TRERF1: variants seen among roughly 807,000 people sequenced by gnomAD.
TRERF1 encodes the protein transcriptional-regulating factor 1.
TRERF1 carries 27 observed loss-of-function variants against 122.9 expected under a neutral mutation model. The ratio of observed to expected loss-of-function variants is 0.22; its 90% CI spans 0.16 to 0.30. TRERF1 has a LOEUF of 0.30. TRERF1 is among the 10% of genes least tolerant of loss of function. TRERF1 has a pLI of 1.00. For missense variants in TRERF1, 1,248 were observed against 1,560.3 expected (o/e 0.80, Z 3.37); for synonymous variants, 636 against 641.7 (o/e 0.99, Z 0.13).
chr6:42,265,672 T>C, intron 6 of TRERF1, 79 bp downstream of exon 6: 1 of 1,434,728 alleles, frequency 7.0e-7, no homozygotes, highest in Non-Finnish European at 9.7e-7. Context: ...TGACTTGGAA[T>C]TTAAAAATGA....
chr6:42,381,637 C>T (rs1458683336), intron 2 of TRERF1, among the ~76,000 whole-genome samples: 2 of 151,798 alleles, frequency 1.3e-5, no homozygotes, highest in African/African-American at 4.8e-5. Flanking sequence ...CTGGGTTCTA[C>T]AACCATCTTC....
intron 3 of TRERF1, among the ~76,000 whole-genome samples, chr6:42,346,213 T>C (rs1409088304): frequency 6.6e-6 from 1 of 152,186 alleles, no homozygotes; most frequent in African/African-American, 2.4e-5. Flanking sequence ...CCTCAGCACC[T>C]GTCACCTCAG....
chr6:42,374,868 G>A (rs1251073581), intron 2 of TRERF1, among the ~76,000 whole-genome samples: 4 of 151,700 alleles, frequency 2.6e-5, no homozygotes, highest in Non-Finnish European at 5.9e-5. Context: ...AAAATTAGCC[G>A]GGTGTGGTGG....
At chr6:42,335,903 A>G (rs1766074229) in intron 3 of TRERF1, among the ~76,000 whole-genome samples, 1 of 152,196 alleles carries the variant, frequency 6.6e-6, no homozygotes, top group East Asian at 1.9e-4. Context: ...CTCCCTGGCA[A>G]GACTCTAAGC....
intron 4 of TRERF1, among the ~76,000 whole-genome samples, chr6:42,299,190 G>A (rs189915989): frequency 5.6e-3 from 763 of 136,676 alleles, no homozygotes; most frequent in Admixed American, 8.6e-3. Context: ...CACACATAGA[G>A]TCTGTTTTTT....
intron 15 of TRERF1, among the ~76,000 whole-genome samples, chr6:42,238,148 G>A (rs557027347): frequency 5.3e-5 from 8 of 152,304 alleles, no homozygotes; most frequent in African/African-American, 1.7e-4. Context: ...ACCATGTTAT[G>A]TCAAACTGGG....
At chr6:42,319,724 G>A (rs1275718791) in intron 3 of TRERF1, among the ~76,000 whole-genome samples, 8 of 151,176 alleles carry the variant, frequency 5.3e-5, no homozygotes, top group Middle Eastern at 3.4e-3. Flanking sequence ...CTGGGAGGCT[G>A]AGGTGGAAGG....
At chr6:42,433,363 G>T (rs1175590237) in intron 2 of TRERF1, among the ~76,000 whole-genome samples, 1 of 151,806 alleles carries the variant, frequency 6.6e-6, no homozygotes, top group African/African-American at 2.4e-5. Context: ...TCTCCTCAAG[G>T]CACTGACACA....
rs192413376 is a variant in TRERF1 at position 42,448,213 on chromosome 6, C to A, written c.-454+2964G>T. 9.6e-4 allele frequency among the ~76,000 whole-genome samples: 146 copies of A among 152,314 alleles called. 1 individual carries two copies. Among genetic ancestry groups the A allele is most frequent in the Non-Finnish European group, 5.9e-5 (4 of 68,024 alleles). On this transcript the variant is annotated intron_variant, in intron 2 of 17. Transcript: ENST00000372922. ...CTGGGCTTTCTGGTCTCCAGTTTCTCCCCAAAGCTATCTCCTCCTGCTGCC... is the reference window on the plus strand; with the variant it reads ...CTGGGCTTTCTGGTCTCCAGTTTCTACCCAAAGCTATCTCCTCCTGCTGCC...
At chr6:42,366,431 A>G (rs1772739924) in intron 2 of TRERF1, among the ~76,000 whole-genome samples, 1 of 152,134 alleles carries the variant, frequency 6.6e-6, no homozygotes, top group Non-Finnish European at 1.5e-5. Context: ...AGGCATACCT[A>G]TTCTTCCTGT....
chr6:42,439,122 A>G (rs1386103634), intron 2 of TRERF1, among the ~76,000 whole-genome samples: 1 of 152,246 alleles, frequency 6.6e-6, no homozygotes, highest in Non-Finnish European at 1.5e-5. Context: ...CTCCTTCAAC[A>G]TCACTGCCAC....
intron 3 of TRERF1, among the ~76,000 whole-genome samples, chr6:42,316,154 T>C (rs1158659222): frequency 1.3e-5 from 2 of 152,136 alleles, no homozygotes; most frequent in African/African-American, 2.4e-5. Context: ...AGAAAGTCCA[T>C]GGGTCTGGGG....
At chr6:42,331,985 C>T (rs1765320919) in intron 3 of TRERF1, among the ~76,000 whole-genome samples, 2 of 152,198 alleles carry the variant, frequency 1.3e-5, no homozygotes, top group South Asian at 2.1e-4. Flanking sequence ...CTCTGTCGCC[C>T]AGGCTACAGT....
intron 13 of TRERF1, among the ~76,000 whole-genome samples, chr6:42,250,096 C>A (rs1236967723): frequency 6.6e-6 from 1 of 152,202 alleles, no homozygotes; most frequent in Non-Finnish European, 1.5e-5. Flanking sequence ...GAACCCCGGG[C>A]AAGCCTACTT....
At position 42,226,408 on chromosome 6, in the gene TRERF1, C is replaced by T. The variant is rs1485452309; in HGVS notation, c.*1937G>A. On this transcript the variant is annotated 3_prime_UTR_variant, in exon 18 of 18. Coordinates refer to ENST00000372922, the Ensembl canonical transcript of TRERF1. ...GGAGGGCAGTAGTCCCTGGGAGAGA[C>T]GATCAGCCAAGGATATGACAGCTGT... 2.0e-5 allele frequency: 3 copies of T among 152,214 alleles called. No homozygotes were observed. The East Asian group carries it at 5.8e-4, about 29-fold the overall frequency. 9.4% of individuals were successfully genotyped at this position (152,214 alleles called of 1,614,324 possible).
chr6:42,363,077 G>C (rs1467836652), exon 3 of TRERF1: 1 of 153,094 alleles, frequency 6.5e-6, no homozygotes, highest in Non-Finnish European at 1.5e-5. Context: ...CCACAGCCAG[G>C]GCCTGCAGGA....
Position 42,290,741 on chromosome 6 carries a change from C to CTTTTT in TRERF1, c.-259+9892_-259+9896dup, listed in dbSNP as rs144168592. Among the ~76,000 whole-genome samples the CTTTTT allele has an allele frequency of 8.4e-3, 774 of 92,296 alleles. 12 individuals carry two copies. Among genetic ancestry groups the CTTTTT allele is most frequent in the East Asian group, 0.012 (38 of 3,226 alleles). The allele number at this position is 92,296 out of a possible 152,430, so 60.5% of individuals were successfully genotyped here. ...ATTTATCCTTTTTTCCATTTCTTTC[C>CTTTTT]TTTTTTTTTTTTTTTTTTTTTTTGA... On this transcript the variant is annotated intron_variant, in intron 4 of 17. Transcript: ENST00000372922.
intron 8 of TRERF1, among the ~76,000 whole-genome samples, chr6:42,260,518 A>G (rs1015727792): frequency 6.6e-6 from 1 of 152,208 alleles, no homozygotes; most frequent in Admixed American, 6.5e-5. Context: ...ACAGATGAGC[A>G]GGGCATGCCA....
chr6:42,247,515 T>C (rs1775012024), intron 13 of TRERF1, among the ~76,000 whole-genome samples: 1 of 152,098 alleles, frequency 6.6e-6, no homozygotes, highest in South Asian at 2.1e-4. Context: ...GGTTCAAGTA[T>C]AAGGTTCCAG....
Sources: allele counts gnomAD v4.1 joint callset (sites outside exome capture counted in the v4.1 genomes callset), GRCh38; gene constraint gnomAD v4.1.1; transcripts MANE v1.5; gene names NCBI Gene and HGNC (gene_info 2026-07-23, HGNC 2026-07-21).